Variants in EXOC1 observed in about 807,000 individuals in gnomAD.
EXOC1 encodes SEC3-like 1.
In EXOC1, 67 loss-of-function variants were observed where a neutral mutation model predicts 107.7. The ratio of observed to expected loss-of-function variants is 0.62; its 90% confidence interval spans 0.51 to 0.76. The LOEUF is 0.76. Ranked by LOEUF, EXOC1 falls within the 30% of genes least tolerant of loss-of-function variation. EXOC1 has a pLI of 0.00. For synonymous variants in EXOC1, 348 were observed against 353.5 expected (o/e 0.98, Z 0.17); for missense variants, 833 against 1,055.7 (o/e 0.79, Z 2.92).
At chr4:55,872,278 A>G (rs1322130270) in intron 8 of EXOC1, among the ~76,000 whole-genome samples, 2 of 152,096 alleles carry the variant, frequency 1.3e-5, no homozygotes, top group Admixed American at 1.3e-4. Context: ...GATATTTACT[A>G]TTGGACCTGT....
intron 3 of EXOC1, among the ~76,000 whole-genome samples, chr4:55,863,290 A>G (rs191942274): frequency 6.6e-6 from 1 of 152,248 alleles, no homozygotes; most frequent in African/African-American, 2.4e-5. Context: ...GGCTTAAGAG[A>G]CTTGAAGAAA....
chr4:55,892,814 C>A, intron 14 of EXOC1, 103 bp downstream of exon 14: 1 of 1,016,114 alleles, frequency 9.8e-7, no homozygotes, highest in Non-Finnish European at 1.5e-6. Flanking sequence ...AGCCTGACAG[C>A]ACTCACAGTA....
At chr4:55,900,228 G>A (rs1178429460) in intron 17 of EXOC1, among the ~76,000 whole-genome samples, 1 of 152,044 alleles carries the variant, frequency 6.6e-6, no homozygotes, top group African/African-American at 2.4e-5. Context: ...AAAAAAACTT[G>A]CCCGACATCA....
chr4:55,857,368 G>C, intron 1 of EXOC1, among the ~76,000 whole-genome samples: 1 of 151,200 alleles, frequency 6.6e-6, no homozygotes, highest in Non-Finnish European at 1.5e-5. Context: ...TTTTAGTAGA[G>C]ACGGGGTTTC....
Position 55,899,687 on chromosome 4 carries a change from G to A in EXOC1, c.2140G>A (p.Glu714Lys). The change falls in exon 17 of 19, where the codon GAG becomes AAG. Residue 714 changes from glutamate (E) to lysine (K), a missense_variant and splice_region_variant. Glu to Lys is a moderately conservative substitution (Grantham distance 56). This residue lies in a region of EXOC1 where 216 missense variants were observed against 354.4 expected (regional missense o/e 0.61). Transcript: ENST00000381295. ...KLIRGVFVNV[E>K]KVANESQKTP... ...TATTTTTTCTGTTTTGGTTTTAGTGGAGAAAGTAGCAAATGAAAGCCAGAA... is the reference window on the plus strand; with the variant it reads ...TATTTTTTCTGTTTTGGTTTTAGTGAAGAAAGTAGCAAATGAAAGCCAGAA... 6.2e-7 allele frequency: 1 copy of A among 1,608,698 alleles called. No homozygotes were observed. Among genetic ancestry groups the A allele is most frequent in the Admixed American group, 1.7e-5 (1 of 58,984 alleles).
chr4:55,893,521 A>G (rs759868678), intron 14 of EXOC1, 31 bp from the exon 15 acceptor site: 1 of 1,593,462 alleles, frequency 6.3e-7, no homozygotes, highest in Non-Finnish European at 8.6e-7. Context: ...GCTTGTTATA[A>G]CTTTATACTT....
intron 3 of EXOC1, among the ~76,000 whole-genome samples, chr4:55,863,061 C>T (rs962244142): frequency 3.9e-5 from 6 of 151,956 alleles, no homozygotes; most frequent in African/African-American, 7.3e-5. Flanking sequence ...CCACTACACC[C>T]GGCTAATTTT....
chr4:55,859,917 AT>A (rs1721318843), intron 2 of EXOC1, among the ~76,000 whole-genome samples: 1 of 152,198 alleles, frequency 6.6e-6, no homozygotes, highest in South Asian at 2.1e-4. Context: ...CCATTCTTGC[AT>A]TGCTATAAAG....
chr4:55,894,430 ATTG>A (rs747817971), intron 15 of EXOC1, among the ~76,000 whole-genome samples: 27 of 151,642 alleles, frequency 1.8e-4, no homozygotes, highest in Non-Finnish European at 3.5e-4. Flanking sequence ...GTTTATTGTT[ATTG>A]TTCTTCTTTT....
chr4:55,896,886 G>A lies in EXOC1; in HGVS notation c.2123G>A (p.Gly708Glu). ...AAAGCATACACCAAACTTATCAGAG[G>A]AGTATTTGTTAATGGTAAGCTTTTG... ...LDKAYTKLIRGVFVNVEKVAN... is the reference protein window; with the variant it reads ...LDKAYTKLIREVFVNVEKVAN... Residue 708 changes from glycine to glutamate, a missense_variant, in exon 16 of 19, where the codon GGA becomes GAA. Gly to Glu is a moderately conservative substitution (Grantham distance 98, BLOSUM62 -2). Transcript: ENST00000381295. The A allele has an allele frequency of 6.3e-7, 1 of 1,592,220 alleles. No homozygotes were observed. The highest frequency in any genetic ancestry group is 8.5e-7 in the Non-Finnish European group (1 of 1,173,710).
chr4:55,891,547 T>C (rs1724550435), intron 13 of EXOC1, 125 bp downstream of exon 13: 1 of 666,376 alleles, frequency 1.5e-6, no homozygotes, highest in Non-Finnish European at 2.5e-6. Flanking sequence ...AGGATTTTTT[T>C]ATGATGTAAG....
At position 55,877,945 on chromosome 4, in the gene EXOC1, A is replaced by G. The variant is rs778954891; in HGVS notation, c.1103A>G (p.Gln368Arg). 4 of 1,613,718 alleles carry G rather than the reference A, an allele frequency of 2.5e-6. No individual in the cohort carries two copies. Among genetic ancestry groups the G allele is most frequent in the Non-Finnish European group, 3.4e-6 (4 of 1,179,872 alleles). ...CATGATCAGAGTTCGACTCTTGCCC[A>G]ACACTCTGTTGAACTGACTTTACCC... ...QGHDQSSTLA[Q>R]HSVELTLPNH... The change falls in exon 9 of 19, where the codon CAA becomes CGA. Residue 368 changes from glutamine to arginine, a missense_variant. By Grantham distance (43) the Gln-to-Arg change is conservative. Coordinates refer to ENST00000381295, the MANE Select transcript of EXOC1 (RefSeq NM_001024924.2).
At chr4:55,891,227 C>A in intron 12 of EXOC1, 88 bp from the exon 13 acceptor site, 1 of 780,292 alleles carries the variant, frequency 1.3e-6, no homozygotes, top group Non-Finnish European at 2.2e-6. Context: ...GATCCATGGT[C>A]TGTGCAGAAA....
chr4:55,891,211 A>G, intron 12 of EXOC1, 104 bp from the exon 13 acceptor site: 1 of 696,496 alleles, frequency 1.4e-6, no homozygotes. Flanking sequence ...GATTAGTGAG[A>G]TTATGGATCC....
intron 9 of EXOC1, 142 bp from the exon 10 acceptor site, chr4:55,883,681 A>G: frequency 2.0e-6 from 1 of 498,060 alleles, no homozygotes; most frequent in Non-Finnish European, 3.5e-6. Context: ...GACAGAAAGT[A>G]ACCTATTTTT....
intron 8 of EXOC1, among the ~76,000 whole-genome samples, chr4:55,873,403 C>CT (rs1449021558): frequency 6.6e-5 from 10 of 152,000 alleles, no homozygotes; most frequent in Admixed American, 6.6e-4. Flanking sequence ...TTGTTAGGTA[C>CT]TTACTTCAAT....
chr4:55,880,816 G>C (rs776828451), intron 9 of EXOC1, among the ~76,000 whole-genome samples: 3 of 152,138 alleles, frequency 2.0e-5, no homozygotes, highest in Non-Finnish European at 4.4e-5. Context: ...CTTTTTAAAT[G>C]AAATTGACTT....
chr4:55,903,379 A>G (rs1446204746), intron 18 of EXOC1, among the ~76,000 whole-genome samples: 1 of 152,134 alleles, frequency 6.6e-6, no homozygotes, highest in Non-Finnish European at 1.5e-5. Flanking sequence ...GGGATATTGC[A>G]TTGTTTGTTT....
intron 3 of EXOC1, among the ~76,000 whole-genome samples, chr4:55,863,521 A>C (rs1465330629): frequency 6.6e-6 from 1 of 152,110 alleles, no homozygotes; most frequent in African/African-American, 2.4e-5. Context: ...TGAGGTTGGG[A>C]GGATTGCCTG....
Sources: gnomAD v4.1 joint callset for allele counts (sites outside exome capture counted in the v4.1 genomes callset) on GRCh38, gnomAD v4.1.1 for gene constraint, gnomAD v4.1.1 regional missense constraint, MANE v1.5 for transcripts, NCBI Gene and HGNC (gene_info 2026-07-23, HGNC 2026-07-21) for gene names.